Variants in FSTL5 observed in about 807,000 individuals in gnomAD.
The protein encoded by FSTL5 is follistatin like 5.
In FSTL5, 62 loss-of-function variants were observed where a neutral mutation model predicts 89.1. That is an observed-to-expected ratio of 0.70 (90% CI 0.57 to 0.86). The LOEUF is 0.86. FSTL5 is among the 40% of genes least tolerant of loss of function. The pLI, the probability that FSTL5 is intolerant of heterozygous loss-of-function variation, is 0.00. For missense variants in FSTL5, 1,057 were observed against 1,001.6 expected (o/e 1.06, Z -0.75); for synonymous variants, 383 against 346.2 (o/e 1.11, Z -1.18).
chr4:161,792,721 C>G (rs1330351836), intron 4 of FSTL5, among the ~76,000 whole-genome samples: 3 of 152,114 alleles, frequency 2.0e-5, no homozygotes, highest in Non-Finnish European at 4.4e-5. Flanking sequence ...TAGCAGCTAC[C>G]CACTCCTGTT....
At chr4:162,101,130 C>T (rs534983557) in intron 2 of FSTL5, among the ~76,000 whole-genome samples, 94 of 152,320 alleles carry the variant, frequency 6.2e-4, no homozygotes, top group African/African-American at 2.2e-3. Context: ...CCTAGTCCGG[C>T]AAACATACAT....
chr4:161,394,426 C>T (rs770578289), intron 15 of FSTL5, among the ~76,000 whole-genome samples: 1 of 152,062 alleles, frequency 6.6e-6, no homozygotes, highest in Non-Finnish European at 1.5e-5. Context: ...CAGAGGCGTG[C>T]CACCGTGCCC....
chr4:161,879,414 C>A (rs182919636), intron 4 of FSTL5, among the ~76,000 whole-genome samples: 1 of 152,278 alleles, frequency 6.6e-6, no homozygotes, highest in East Asian at 1.9e-4. Flanking sequence ...AATTTCTTCA[C>A]GATGCTTTCC....
intron 8 of FSTL5, among the ~76,000 whole-genome samples, chr4:161,565,656 G>T (rs1168689268): frequency 6.7e-6 from 1 of 149,936 alleles, no homozygotes. Context: ...CTTTGCTATG[G>T]CATGAAAACA....
intron 3 of FSTL5, among the ~76,000 whole-genome samples, chr4:162,030,764 T>A (rs1737491269): frequency 6.6e-6 from 1 of 152,198 alleles, no homozygotes. Flanking sequence ...CTGTAAGTTA[T>A]TTGTAAACCA....
In FSTL5 at chr4:161,394,207, A is replaced by G. The variant is rs78953801; in HGVS notation, c.1842-7758T>C. ...TACCTGAAATGAATATTTAGGTAAC[A>G]TTTTCTTACTTCTGGTAAAGTTTTA... On this transcript the variant is annotated intron_variant, in intron 15 of 15. Transcript: ENST00000306100. Among the ~76,000 whole-genome samples the G allele has an allele frequency of 3.2e-3, 482 of 152,250 alleles. 3 individuals are homozygous for G. Among genetic ancestry groups the G allele is most frequent in the African/African-American group, 0.011 (467 of 41,560 alleles).
chr4:162,073,730 A>G (rs1024128328), intron 2 of FSTL5, among the ~76,000 whole-genome samples: 4 of 151,798 alleles, frequency 2.6e-5, no homozygotes, highest in African/African-American at 9.7e-5. Flanking sequence ...AAATCAGAAT[A>G]TCTACTTATT....
At chr4:161,918,645 T>A (rs910053769) in intron 4 of FSTL5, among the ~76,000 whole-genome samples, 3 of 151,852 alleles carry the variant, frequency 2.0e-5, no homozygotes, top group African/African-American at 7.3e-5. Flanking sequence ...TTATTTATAT[T>A]TATTTATTTA....
chr4:162,034,954 T>C (rs967843843), intron 2 of FSTL5, among the ~76,000 whole-genome samples: 3 of 152,190 alleles, frequency 2.0e-5, no homozygotes, highest in Non-Finnish European at 4.4e-5. Flanking sequence ...TTCTGCTCTT[T>C]ATTAATTGTT....
intron 11 of FSTL5, among the ~76,000 whole-genome samples, chr4:161,507,621 T>C (rs184771440): frequency 3.3e-5 from 5 of 151,898 alleles, no homozygotes. Context: ...ATTGTCATTT[T>C]ATACTCCTGT....
chr4:161,885,031 G>T (rs1245627526), intron 4 of FSTL5, among the ~76,000 whole-genome samples: 1 of 151,982 alleles, frequency 6.6e-6, no homozygotes. Flanking sequence ...ACATTTCTTG[G>T]TGGACAGCTA....
At chr4:162,135,666 A>G (rs1490653229) in intron 1 of FSTL5, among the ~76,000 whole-genome samples, 1 of 152,070 alleles carries the variant, frequency 6.6e-6, no homozygotes, top group Non-Finnish European at 1.5e-5. Context: ...ATATTTGGGT[A>G]TAAGGTATTT....
At chr4:161,847,810 G>C (rs1731416701) in intron 4 of FSTL5, among the ~76,000 whole-genome samples, 1 of 151,896 alleles carries the variant, frequency 6.6e-6, no homozygotes, top group South Asian at 2.1e-4. Flanking sequence ...GCCAGGGCGG[G>C]AAGATCACCT....
intron 4 of FSTL5, among the ~76,000 whole-genome samples, chr4:161,917,928 C>G (rs1039517031): frequency 6.6e-6 from 1 of 152,114 alleles, no homozygotes. Context: ...TCATAATCAC[C>G]TTTTAAAAAT....
At chr4:162,006,971 T>C (rs1736633772) in intron 3 of FSTL5, among the ~76,000 whole-genome samples, 1 of 151,866 alleles carries the variant, frequency 6.6e-6, no homozygotes. Flanking sequence ...TAACGTTCCA[T>C]GTTAGTCCTT....
At chr4:161,705,989 TATATATACACACATCTACACACACAC>T (rs1738564922) in intron 6 of FSTL5, among the ~76,000 whole-genome samples, 1 of 93,582 alleles carries the variant, frequency 1.1e-5, no homozygotes, top group Non-Finnish European at 2.1e-5. Flanking sequence ...TATATATATA[TATATATACACACATCTACACACACAC>T]AGACTATACC....
At chr4:161,776,397 T>C (rs1054239743) in intron 4 of FSTL5, among the ~76,000 whole-genome samples, 3 of 152,036 alleles carry the variant, frequency 2.0e-5, no homozygotes, top group Admixed American at 1.3e-4. Flanking sequence ...ATTGTCTTAG[T>C]TTTTATCCTT....
chr4:161,795,422 C>T (rs1057011715), intron 4 of FSTL5, among the ~76,000 whole-genome samples: 2 of 151,862 alleles, frequency 1.3e-5, no homozygotes, highest in Non-Finnish European at 2.9e-5. Context: ...GAGGAAGGCC[C>T]GGAAGAACCC....
rs1730628099 is a variant in FSTL5 at position 161,386,156 on chromosome 4, A to C, written c.2135T>G (p.Val712Gly). ...DGHYLVSIND[V>G]KGLVRVQYIT... is the part of the protein sequence containing the mutation. ...GTACTGAACCCTTACAAGACCTTTC[A>C]CATCATTAATGCTGACAAGGTAGTG... Residue 712 changes from valine to glycine, a missense_variant, in exon 16 of 16, where the codon GTG becomes GGG. By Grantham distance (109) the Val-to-Gly change is moderately radical. Transcript: ENST00000306100. 2 of 1,613,900 alleles carry C rather than the reference A, an allele frequency of 1.2e-6. No homozygotes were observed. Among genetic ancestry groups the C allele is most frequent in the Admixed American group, 3.3e-5 (2 of 59,950 alleles).
Sources: allele counts gnomAD v4.1 joint callset (sites outside exome capture counted in the v4.1 genomes callset), GRCh38; gene constraint gnomAD v4.1.1; transcripts MANE v1.5; gene names NCBI Gene and HGNC (gene_info 2026-07-23, HGNC 2026-07-21).